The following TENM3 variants were observed in gnomAD, a reference collection of about 807,000 sequenced individuals.
The protein encoded by TENM3 is teneurin-3.
TENM3 carries 63 observed loss-of-function variants against 255.1 expected under a neutral mutation model. The ratio of observed to expected loss-of-function variants is 0.25; its 90% CI spans 0.20 to 0.30. The LOEUF (loss-of-function observed/expected upper bound fraction) is 0.30. TENM3 is among the 10% of genes least tolerant of loss of function. TENM3 has a pLI of 1.00. For synonymous variants in TENM3, 1,306 were observed against 1,322.3 expected, an observed-to-expected ratio of 0.99 and a Z score of 0.27; for missense variants, 2,929 against 3,461.1, an observed-to-expected ratio of 0.85 and a Z score of 3.86.
rs78703220 is a variant in TENM3, at chr4:182,519,024, A to G, written c.512-81900A>G. Among the ~76,000 whole-genome samples, 972 of 152,288 alleles carry G rather than the reference A, an allele frequency of 6.4e-3. 7 individuals carry two copies. The highest frequency in any genetic ancestry group is 0.022 in the African/African-American group (933 of 41,564). On this transcript the variant is annotated intron_variant, in intron 3 of 27. Coordinates refer to ENST00000511685, the MANE Select transcript of TENM3 (RefSeq NM_001080477.4). ...TCAGTAAAATGTTGAAACTTACCCA[A>G]GTTCCTTCCCAGTCCACCCATTACA... is the stretch of plus-strand genomic sequence containing the variant.
the TENM3 span, among the ~76,000 whole-genome samples, chr4:181,708,986 A>G: frequency 3.3e-5 from 5 of 152,220 alleles, no homozygotes; most frequent in African/African-American, 1.2e-4. Context: ...CCATTTGAGT[A>G]TTAAATAGAA....
chr4:182,265,159 G>T (rs1030411978), intron 1 of TENM3, among the ~76,000 whole-genome samples: 1 of 152,098 alleles, frequency 6.6e-6, no homozygotes, highest in African/African-American at 2.4e-5. Context: ...GTTCTGTTTT[G>T]CATTGTGTTA....
chr4:182,520,281 A>G (rs1422004084), intron 3 of TENM3, among the ~76,000 whole-genome samples: 2 of 152,168 alleles, frequency 1.3e-5, no homozygotes, highest in African/African-American at 2.4e-5. Context: ...TTGTATTTCT[A>G]CATTGTAGCA....
At chr4:182,537,812 G>T (rs1740488181) in intron 3 of TENM3, among the ~76,000 whole-genome samples, 1 of 152,170 alleles carries the variant, frequency 6.6e-6, no homozygotes, top group African/African-American at 2.4e-5. Flanking sequence ...GCTGCAGCGT[G>T]TTAAGTTTCC....
intron 13 of TENM3, among the ~76,000 whole-genome samples, chr4:182,724,177 T>C (rs1759982391): frequency 6.6e-6 from 1 of 152,192 alleles, no homozygotes; most frequent in African/African-American, 2.4e-5. Context: ...TAGATTTTTA[T>C]GATTAATGCT....
At chr4:182,220,309 G>A (rs1339911626) in intron 1 of TENM3, among the ~76,000 whole-genome samples, 3 of 144,886 alleles carry the variant, frequency 2.1e-5, no homozygotes, top group Non-Finnish European at 4.5e-5. Context: ...CCCGGGAGGC[G>A]GAGGTTGCAG....
At chr4:182,152,396 G>A (rs1426457515) in intron 1 of TENM3, among the ~76,000 whole-genome samples, 1 of 151,900 alleles carries the variant, frequency 6.6e-6, no homozygotes, top group African/African-American at 2.4e-5. Flanking sequence ...TTACTTGTAT[G>A]TAAGGTATAC....
At chr4:182,144,206 ACACACAC>A (rs1749704650), upstream of TENM3, 1 of 11,240 alleles carries the variant, frequency 8.9e-5, no homozygotes, top group Non-Finnish European at 1.7e-4. Context: ...ACTCCCGCAC[ACACACAC>A]ACACACACAC....
chr4:181,740,715 TAGAA>T, the TENM3 span, among the ~76,000 whole-genome samples: 1 of 147,278 alleles, frequency 6.8e-6, no homozygotes, highest in Non-Finnish European at 1.5e-5. Context: ...AAAAAGGTGG[TAGAA>T]GGAAACAAAT....
intron 22 of TENM3, among the ~76,000 whole-genome samples, chr4:182,764,004 A>G (rs1180643654): frequency 6.6e-6 from 1 of 152,248 alleles, no homozygotes; most frequent in Non-Finnish European, 1.5e-5. Context: ...ATTCTCCTTA[A>G]CACAAACAAT....
intron 1 of TENM3, among the ~76,000 whole-genome samples, chr4:182,221,205 G>A (rs1007955504): frequency 3.9e-5 from 6 of 152,170 alleles, no homozygotes; most frequent in Non-Finnish European, 8.8e-5. Context: ...TGTTACATGT[G>A]ATAAACAAGC....
At chr4:181,740,998 A>T in the TENM3 span, among the ~76,000 whole-genome samples, 1 of 152,214 alleles carries the variant, frequency 6.6e-6, no homozygotes. Flanking sequence ...AAAAATTGAG[A>T]GATATCAGAA....
intron 1 of TENM3, among the ~76,000 whole-genome samples, chr4:182,271,444 T>C (rs995511111): frequency 5.3e-5 from 8 of 152,158 alleles, no homozygotes; most frequent in Admixed American, 2.6e-4. Context: ...CCACCATGCA[T>C]AGGTGGAGGC....
chr4:182,183,661 T>G (rs1164173619), intron 1 of TENM3, among the ~76,000 whole-genome samples: 1 of 152,184 alleles, frequency 6.6e-6, no homozygotes, highest in East Asian at 1.9e-4. Flanking sequence ...TCGTTTTTAC[T>G]GCGTCCTCAA....
chr4:181,607,398 A>T, the TENM3 span, among the ~76,000 whole-genome samples: 2 of 147,012 alleles, frequency 1.4e-5, no homozygotes, highest in Non-Finnish European at 3.0e-5. Context: ...TTTAGTTTTA[A>T]TTAATTGGCA....
chr4:181,512,753 G>C, the TENM3 span, among the ~76,000 whole-genome samples: 1 of 152,090 alleles, frequency 6.6e-6, no homozygotes, highest in Non-Finnish European at 1.5e-5. Context: ...ATAATAAATA[G>C]TGAAGTACAT....
At chr4:182,578,753 G>T (rs968608261) in intron 3 of TENM3, among the ~76,000 whole-genome samples, 1 of 152,098 alleles carries the variant, frequency 6.6e-6, no homozygotes, top group Non-Finnish European at 1.5e-5. Flanking sequence ...ACCAAATCAG[G>T]TACAGATTCT....
intron 1 of TENM3, among the ~76,000 whole-genome samples, chr4:182,209,257 C>T (rs13126746): frequency 1.2e-4 from 18 of 150,604 alleles, no homozygotes; most frequent in Admixed American, 6.6e-5. Context: ...CGTGAGCCAC[C>T]GCATCCAGCC....
Position 182,799,862 on chromosome 4 carries a change from G to C in TENM3, c.7611G>C (p.Leu2537=). ...VLNNAFYLEN[L]HFTIEGKDTH... Reference sequence around the variant, plus strand: ...ACAACGCCTTCTACCTGGAGAACCTGCACTTCACCATCGAGGGCAAGGACA... The same window carrying C: ...ACAACGCCTTCTACCTGGAGAACCTCCACTTCACCATCGAGGGCAAGGACA... Residue 2537 remains leucine (L), a synonymous_variant, in exon 28 of 28, where the codon CTG becomes CTC. Coordinates refer to ENST00000511685, the MANE Select transcript of TENM3 (RefSeq NM_001080477.4). This position sits in a 1 kb window ranked among gnomAD's most constrained non-coding sequence, Gnocchi z 4.2. The C allele has an allele frequency of 1.2e-6, 2 of 1,611,254 alleles. No individual in the cohort carries two copies. Among genetic ancestry groups the C allele is most frequent in the East Asian group, 4.5e-5 (2 of 44,764 alleles).
Sources: allele counts gnomAD v4.1 joint callset (sites outside exome capture counted in the v4.1 genomes callset), GRCh38; gene constraint gnomAD v4.1.1; non-coding constraint Gnocchi (gnomAD v3.1); transcripts MANE v1.5; gene names NCBI Gene and HGNC (gene_info 2026-07-23, HGNC 2026-07-21).